Variants in APP observed in about 807,000 individuals in gnomAD.
APP encodes the protein amyloid-beta precursor protein.
Under a neutral mutation model 101.4 loss-of-function variants are expected in APP, and 31 were observed. The ratio of observed to expected loss-of-function variants is 0.31; its 90% CI spans 0.23 to 0.41. APP has a LOEUF of 0.41. Among genes scored for constraint, APP ranks in the 10% least tolerant of loss-of-function variants. The probability of loss-of-function intolerance (pLI) is 1.00; values close to 1 mark genes in which losing one functional copy is unlikely to be tolerated. For synonymous variants in APP, 366 were observed against 364.4 expected (o/e 1.00, Z -0.05); for missense variants, 839 against 1,003.7 (o/e 0.84, Z 2.22).
In APP at chr21:26,042,859, T is replaced by A. The variant is rs543133830; in HGVS notation, c.662+8141A>T. Reference sequence around the variant, plus strand: ...TGAGCCCAGGAGTTCAAGGTTACACTGATCTATGGTTGCAATACTGCACTC... The same window carrying A: ...TGAGCCCAGGAGTTCAAGGTTACACAGATCTATGGTTGCAATACTGCACTC... On this transcript the variant is annotated intron_variant, in intron 5 of 17. Transcript: ENST00000346798. Among the ~76,000 whole-genome samples the A allele has an allele frequency of 9.9e-5, 15 of 152,276 alleles. No individual in the cohort carries two copies. The South Asian group carries it at 2.1e-3, about 21-fold the overall frequency.
chr21:25,938,109 G>A (rs1412246252), intron 13 of APP, among the ~76,000 whole-genome samples: 1 of 152,106 alleles, frequency 6.6e-6, no homozygotes, highest in Non-Finnish European at 1.5e-5. Flanking sequence ...TACAGTTAAT[G>A]GACATTAATA....
At chr21:25,971,520 G>A (rs1279981031) in intron 11 of APP, among the ~76,000 whole-genome samples, 1 of 152,252 alleles carries the variant, frequency 6.6e-6, no homozygotes, top group Non-Finnish European at 1.5e-5. Flanking sequence ...AGGACATGAA[G>A]TGTGTGGAGA....
intron 13 of APP, among the ~76,000 whole-genome samples, chr21:25,919,597 C>A: frequency 5.2e-5 from 1 of 19,408 alleles, no homozygotes; most frequent in Non-Finnish European, 8.6e-5. Context: ...CCTCAGGAGC[C>A]GATGCGATCA....
chr21:25,943,343 C>T (rs145653938), intron 13 of APP, among the ~76,000 whole-genome samples: 2,099 of 151,730 alleles, frequency 0.014, 48 homozygotes, highest in African/African-American at 0.048. Flanking sequence ...TTAGTAGAGA[C>T]GGGGTTTCTC....
chr21:26,016,556 T>C (rs996690199), intron 6 of APP, among the ~76,000 whole-genome samples: 2 of 152,164 alleles, frequency 1.3e-5, no homozygotes, highest in African/African-American at 4.8e-5. Flanking sequence ...TAACCAGTTA[T>C]GTGACCCAGG....
At chr21:26,082,487 T>C (rs1308336724) in intron 3 of APP, among the ~76,000 whole-genome samples, 1 of 152,134 alleles carries the variant, frequency 6.6e-6, no homozygotes, top group African/African-American at 2.4e-5. Flanking sequence ...TATTTGGATA[T>C]AAACTTTAAA....
At chr21:26,007,163 A>G (rs1292518378) in intron 6 of APP, among the ~76,000 whole-genome samples, 1 of 151,842 alleles carries the variant, frequency 6.6e-6, no homozygotes, top group South Asian at 2.1e-4. Context: ...CCTTTCTGAC[A>G]GAAATTCCCT....
At position 25,911,907 on chromosome 21, in the gene APP, A is replaced by C. The variant is rs2039095367; in HGVS notation, c.1743T>G (p.Ile581Met). The C allele has an allele frequency of 6.2e-7, 1 of 1,614,152 alleles. No homozygotes were observed. The highest frequency in any genetic ancestry group is 8.5e-7 in the Non-Finnish European group (1 of 1,180,028). Residue 581 changes from isoleucine (I) to methionine (M), a missense_variant, in exon 14 of 18, where the codon ATT becomes ATG. Ile to Met is a conservative substitution (Grantham distance 10). Coordinates refer to ENST00000346798, the MANE Select transcript of APP (RefSeq NM_000484.4). ...NYSDDVLANMISEPRISYGND... is the reference protein window; with the variant it reads ...NYSDDVLANMMSEPRISYGND... Reference sequence around the variant, plus strand: ...TTCCGTAACTGATCCTTGGTTCACTAATCATGTTGGCCAAGACGTCATCTG... The same window carrying C: ...TTCCGTAACTGATCCTTGGTTCACTCATCATGTTGGCCAAGACGTCATCTG...
At chr21:25,893,407 T>C (rs1195187523) in intron 16 of APP, among the ~76,000 whole-genome samples, 2 of 152,212 alleles carry the variant, frequency 1.3e-5, no homozygotes, top group Non-Finnish European at 2.9e-5. Flanking sequence ...CAAGGCATAT[T>C]GAAAGCCAAG....
chr21:25,906,274 C>G (rs888632345), intron 14 of APP, among the ~76,000 whole-genome samples: 11 of 152,194 alleles, frequency 7.2e-5, no homozygotes, highest in African/African-American at 2.7e-4. Context: ...AAAATTTGGT[C>G]CTTTCTCATG....
chr21:26,154,168 C>T (rs1234157945), intron 1 of APP, among the ~76,000 whole-genome samples: 2 of 152,134 alleles, frequency 1.3e-5, no homozygotes, highest in Non-Finnish European at 2.9e-5. Context: ...TGGGCACACA[C>T]ACAATAAGCC....
chr21:25,972,810 G>T (rs9980884), intron 11 of APP, among the ~76,000 whole-genome samples: 30,351 of 142,718 alleles, frequency 0.21, 3,099 homozygotes, highest in South Asian at 0.35. Flanking sequence ...TAAACATGTT[G>T]TTTTTTTTTT....
intron 13 of APP, among the ~76,000 whole-genome samples, chr21:25,925,619 G>C (rs988848046): frequency 6.6e-6 from 1 of 152,090 alleles, no homozygotes; most frequent in Non-Finnish European, 1.5e-5. Context: ...CAACAGCCTC[G>C]GTTATCCCTT....
At chr21:26,070,172 CTTT>C (rs1394693927) in intron 3 of APP, among the ~76,000 whole-genome samples, 1 of 152,162 alleles carries the variant, frequency 6.6e-6, no homozygotes, top group Admixed American at 6.5e-5. Flanking sequence ...ATCAACATCC[CTTT>C]TGAATCATGT....
intron 16 of APP, among the ~76,000 whole-genome samples, chr21:25,894,169 C>T (rs556099276): frequency 6.6e-6 from 1 of 152,256 alleles, no homozygotes; most frequent in East Asian, 1.9e-4. Context: ...TATTACTGCT[C>T]ACTAACAAAG....
chr21:26,117,315 A>G (rs1261154228), intron 1 of APP, among the ~76,000 whole-genome samples: 1 of 152,270 alleles, frequency 6.6e-6, no homozygotes, highest in African/African-American at 2.4e-5. Flanking sequence ...TAAATTCTCC[A>G]TTGTCAAATG....
chr21:25,952,974 G>A (rs400603), intron 13 of APP, among the ~76,000 whole-genome samples: 139,785 of 152,252 alleles, frequency 0.92, 64,229 homozygotes, highest in Non-Finnish European at 0.93. Flanking sequence ...ATTAATTGGA[G>A]ATCTCTGTTC....
At chr21:25,993,790 T>A (rs1269013730) in intron 8 of APP, among the ~76,000 whole-genome samples, 1 of 152,218 alleles carries the variant, frequency 6.6e-6, no homozygotes, top group Non-Finnish European at 1.5e-5. Context: ...CATTTAGCAA[T>A]GTCTAGAGAC....
chr21:25,901,702 T>C (rs1204277932), intron 15 of APP, among the ~76,000 whole-genome samples: 1 of 152,090 alleles, frequency 6.6e-6, no homozygotes, highest in Non-Finnish European at 1.5e-5. Context: ...CTTTCTTGAG[T>C]TGTGCTGATT....
Sources: allele counts gnomAD v4.1 joint callset (sites outside exome capture counted in the v4.1 genomes callset), GRCh38; gene constraint gnomAD v4.1.1; transcripts MANE v1.5; gene names NCBI Gene and HGNC (gene_info 2026-07-23, HGNC 2026-07-21).